The following IQGAP2 variants were observed in gnomAD, a reference collection of about 807,000 sequenced individuals.
IQGAP2 encodes the protein ras GTPase-activating-like protein IQGAP2.
IQGAP2 carries 173 observed loss-of-function variants against 201.3 expected under a neutral mutation model. The ratio of observed to expected loss-of-function variants is 0.86; its 90% CI spans 0.76 to 0.98. The LOEUF is 0.98. IQGAP2 is among the 50% of genes least tolerant of loss of function. The pLI is 0.00. For missense variants in IQGAP2, 1,687 were observed against 1,864.8 expected, an observed-to-expected ratio of 0.90 and a Z score of 1.76; for synonymous variants, 675 against 673.9, an observed-to-expected ratio of 1.00 and a Z score of -0.03.
chr5:76,570,671 C>T lies in IQGAP2; in HGVS notation c.381+14C>T. 6 of 1,585,950 alleles carry T rather than the reference C, an allele frequency of 3.8e-6. No individual in the cohort carries two copies. The highest frequency in any genetic ancestry group is 4.3e-6 in the Non-Finnish European group (5 of 1,154,652). ...GGTCTACCCAAGGTAAGCCTTCACG[C>T]ACTGGAATCTGAACTAGAAAGGCAA... On this transcript the variant is annotated intron_variant, in intron 4 of 35. Coordinates refer to ENST00000274364, the MANE Select transcript of IQGAP2 (RefSeq NM_006633.5).
chr5:76,631,821 A>T, intron 14 of IQGAP2, 38 bp from the exon 15 acceptor site: 1 of 1,466,174 alleles, frequency 6.8e-7, no homozygotes, highest in South Asian at 1.4e-5. Flanking sequence ...TAAGTGGAAG[A>T]TAACCATTAA....
chr5:76,675,466 T>A (rs1343367536), intron 27 of IQGAP2, among the ~76,000 whole-genome samples: 1 of 152,242 alleles, frequency 6.6e-6, no homozygotes. Flanking sequence ...TCTCAAGCCT[T>A]TCTTAATGAC....
intron 2 of IQGAP2, among the ~76,000 whole-genome samples, chr5:76,524,114 C>T (rs909778293): frequency 3.9e-5 from 6 of 152,106 alleles, no homozygotes; most frequent in Admixed American, 3.9e-4. Flanking sequence ...GAGAAGGCCC[C>T]CCAGTTAAGG....
chr5:76,571,389 G>T lies in IQGAP2; in HGVS notation c.381+732G>T, dbSNP rs532576932. 2.0e-5 allele frequency among the ~76,000 whole-genome samples: 3 copies of T among 151,942 alleles called. No homozygotes were observed. The East Asian group carries it at 5.8e-4, about 29-fold the overall frequency. ...TGTAGAGACAGGGTTTTGCCTCGTC[G>T]GCCAGGCTGGTCTCAGTCTCCTGAG... On this transcript the variant is annotated intron_variant, in intron 4 of 35. Coordinates refer to ENST00000274364, the MANE Select transcript of IQGAP2 (RefSeq NM_006633.5).
intron 21 of IQGAP2, chr5:76,659,973 C>T (rs1743111927): frequency 6.6e-6 from 1 of 151,992 alleles, no homozygotes; most frequent in South Asian, 2.1e-4. Flanking sequence ...TACCCAAGAA[C>T]AGATGCCTAA....
rs779008138 is a variant in IQGAP2 at position 76,509,801 on chromosome 5, TTAGTAGA to T, written c.146+48137_146+48143del. Among the ~76,000 whole-genome samples, 74 of 152,252 alleles carry T rather than the reference TTAGTAGA, an allele frequency of 4.9e-4. 2 individuals carry two copies. Among genetic ancestry groups the T allele is most frequent in the Non-Finnish European group, 5.9e-4 (40 of 68,022 alleles). ...AAAAGTATCCGTAGTACTTTTACCC[TTAGTAGA>T]TAGTCACCCTCCTGGACCTAAGGGT... On this transcript the variant is annotated intron_variant, in intron 2 of 35. Transcript: ENST00000274364.
At chr5:76,478,556 TG>T (rs1755585279) in intron 2 of IQGAP2, among the ~76,000 whole-genome samples, 1 of 152,180 alleles carries the variant, frequency 6.6e-6, no homozygotes, top group Admixed American at 6.5e-5. Flanking sequence ...CCCAAAGTGT[TG>T]GGATTACAGG....
intron 1 of IQGAP2, among the ~76,000 whole-genome samples, chr5:76,414,323 C>T (rs1452662497): frequency 2.6e-5 from 4 of 152,042 alleles, no homozygotes; most frequent in Non-Finnish European, 5.9e-5. Context: ...ATATGACTCC[C>T]CATTCACCTG....
chr5:76,520,368 G>A (rs1758597345), intron 2 of IQGAP2, among the ~76,000 whole-genome samples: 1 of 152,144 alleles, frequency 6.6e-6, no homozygotes, highest in Non-Finnish European at 1.5e-5. Context: ...CTCCATGTTG[G>A]TCAGGCTGGT....
chr5:76,629,364 A>G lies in IQGAP2; in HGVS notation c.1612+1864A>G, dbSNP rs114991637. On this transcript the variant is annotated intron_variant, in intron 14 of 35. Transcript: ENST00000274364. The stretch of plus-strand genomic sequence containing the variant: ...CTATAAGCATCACACACACTCTCAG[A>G]TAATATGATAAAAGAAAATGTGTTG... Among the ~76,000 whole-genome samples, 838 of 152,334 alleles carry G rather than the reference A, an allele frequency of 5.5e-3. 11 individuals are homozygous for G. The highest frequency in any genetic ancestry group is 0.019 in the African/African-American group (798 of 41,578).
chr5:76,609,061 T>C, intron 12 of IQGAP2: 1 of 1,519,180 alleles, frequency 6.6e-7, no homozygotes, highest in Non-Finnish European at 8.8e-7. Context: ...CTGGGTAATC[T>C]TTCAGCTCCT....
At chr5:76,641,461 C>A (rs900204220) in intron 17 of IQGAP2, among the ~76,000 whole-genome samples, 8 of 152,100 alleles carry the variant, frequency 5.3e-5, no homozygotes, top group Admixed American at 6.6e-5. Context: ...TGTTGAGTGG[C>A]GTCTTAGTTT....
intron 8 of IQGAP2, among the ~76,000 whole-genome samples, chr5:76,592,298 A>C (rs1431795786): frequency 6.6e-6 from 1 of 152,162 alleles, no homozygotes; most frequent in Admixed American, 6.5e-5. Flanking sequence ...GCTGTAGCCT[A>C]ATGTGCTAAG....
chr5:76,692,108 G>T (rs1746312591), intron 30 of IQGAP2, among the ~76,000 whole-genome samples: 1 of 152,142 alleles, frequency 6.6e-6, no homozygotes, highest in African/African-American at 2.4e-5. Flanking sequence ...ACAAACTTTT[G>T]TCTGTGTTTC....
intron 30 of IQGAP2, among the ~76,000 whole-genome samples, chr5:76,692,878 A>G (rs1746392729): frequency 6.6e-6 from 1 of 152,190 alleles, no homozygotes; most frequent in South Asian, 2.1e-4. Flanking sequence ...GCTTTCTGAT[A>G]GTAGGAAAGG....
At chr5:76,670,007 G>A (rs1039750326) in intron 23 of IQGAP2, among the ~76,000 whole-genome samples, 2 of 152,064 alleles carry the variant, frequency 1.3e-5, no homozygotes, top group Non-Finnish European at 2.9e-5. Context: ...ATTTTTAGTA[G>A]AGAAGAGGTT....
chr5:76,680,319 A>G (rs571485128), intron 28 of IQGAP2, among the ~76,000 whole-genome samples: 2 of 152,296 alleles, frequency 1.3e-5, no homozygotes, highest in East Asian at 3.9e-4. Context: ...CTTCCACTCT[A>G]TACAAAAAGT....
Position 76,702,575 on chromosome 5 carries a change from G to A in IQGAP2, c.4599G>A (p.Val1533=), listed in dbSNP as rs769067065. ...SKFLGVEMEK[V]QLNIQDLLQM... ...TCCTTGGTGTTGAGATGGAAAAGGT[G>A]CAACTCAATATTCAGGTAAGCTGCT... is the stretch of plus-strand genomic sequence containing the variant. Residue 1533 remains valine (V), a synonymous_variant, in exon 35 of 36, where the codon GTG becomes GTA. Coordinates refer to ENST00000274364, the MANE Select transcript of IQGAP2 (RefSeq NM_006633.5). The A allele has an allele frequency of 3.2e-6, 5 of 1,547,166 alleles. No individual in the cohort carries two copies. The African/African-American group carries it at 6.8e-5, about 21-fold the overall frequency.
chr5:76,421,567 T>C (rs1022691086), intron 1 of IQGAP2, among the ~76,000 whole-genome samples: 5 of 152,228 alleles, frequency 3.3e-5, no homozygotes, highest in Admixed American at 3.3e-4. Flanking sequence ...CAGTGAGCCA[T>C]GATAGTGTCA....
Sources: gnomAD v4.1 joint callset for allele counts (sites outside exome capture counted in the v4.1 genomes callset) on GRCh38, gnomAD v4.1.1 for gene constraint, MANE v1.5 for transcripts, NCBI Gene and HGNC (gene_info 2026-07-23, HGNC 2026-07-21) for gene names.